RECQL5: variants seen among roughly 807,000 people sequenced by gnomAD.
The protein encoded by RECQL5 is RecQ like helicase 5.
Under a neutral mutation model 103.4 loss-of-function variants are expected in RECQL5, and 88 were observed. That is an observed-to-expected ratio of 0.85 (90% CI 0.72 to 1.02). The LOEUF is 1.02. Among genes scored for constraint, RECQL5 ranks in the 50% least tolerant of loss-of-function variants. The pLI, the probability that RECQL5 is intolerant of heterozygous loss-of-function variation, is 0.00. For missense variants in RECQL5, 1,232 were observed against 1,284.3 expected (o/e 0.96, Z 0.62); for synonymous variants, 552 against 507.9 (o/e 1.09, Z -1.17).
chr17:75,643,976 C>T (rs1038437691), intron 8 of RECQL5, among the ~76,000 whole-genome samples: 3 of 152,202 alleles, frequency 2.0e-5, no homozygotes, highest in Non-Finnish European at 4.4e-5. Context: ...TGAAGACCTG[C>T]GTGCCACACT....
chr17:75,666,273 TA>T (rs139442860), intron 2 of RECQL5, among the ~76,000 whole-genome samples, 154 bp downstream of exon 2: 1,734 of 152,044 alleles, frequency 0.011, 26 homozygotes, highest in African/African-American at 0.04. Flanking sequence ...TTAAAACAAA[TA>T]AACGAAACTA....
At chr17:75,663,922 C>T (rs911149705) in intron 3 of RECQL5, among the ~76,000 whole-genome samples, 12 of 151,808 alleles carry the variant, frequency 7.9e-5, no homozygotes, top group Non-Finnish European at 1.6e-4. Flanking sequence ...GGCATGGTGG[C>T]GCATGCCTGT....
intron 8 of RECQL5, chr17:75,633,386 C>A: frequency 1.6e-6 from 2 of 1,249,792 alleles, no homozygotes; most frequent in South Asian, 2.5e-5. Context: ...CAGGGCCCGG[C>A]CCCTGGACTC....
intron 8 of RECQL5, among the ~76,000 whole-genome samples, chr17:75,632,646 G>A (rs2059239984): frequency 6.6e-6 from 1 of 152,214 alleles, no homozygotes; most frequent in South Asian, 2.1e-4. Flanking sequence ...GCAGGGAGCA[G>A]CCTCTGGCTG....
intron 14 of RECQL5, 116 bp from the exon 15 acceptor site, chr17:75,629,958 G>A: frequency 7.2e-7 from 1 of 1,390,180 alleles, no homozygotes; most frequent in Non-Finnish European, 9.6e-7. Flanking sequence ...AGTGGCCACA[G>A]GCAACTGACC....
chr17:75,652,277 A>C (rs2059565288), intron 7 of RECQL5, among the ~76,000 whole-genome samples: 1 of 152,148 alleles, frequency 6.6e-6, no homozygotes, highest in Non-Finnish European at 1.5e-5. Context: ...CCGACTCAGA[A>C]ACCCATGTGG....
intron 8 of RECQL5, among the ~76,000 whole-genome samples, chr17:75,642,231 G>C (rs2059443309): frequency 1.3e-5 from 2 of 152,320 alleles, no homozygotes; most frequent in South Asian, 4.1e-4. Context: ...AATGCCAATG[G>C]GTCCAGACAG....
At chr17:75,635,333 C>T (rs993642610) in intron 8 of RECQL5, among the ~76,000 whole-genome samples, 4 of 152,166 alleles carry the variant, frequency 2.6e-5, no homozygotes, top group South Asian at 2.1e-4. Context: ...ACTCACAAGA[C>T]GCCCCAGGCA....
intron 8 of RECQL5, chr17:75,650,942 G>GT: frequency 2.1e-6 from 3 of 1,450,512 alleles, no homozygotes; most frequent in Non-Finnish European, 2.7e-6. Context: ...CCAGAAGAGG[G>GT]TGGAGTGGAG....
intron 8 of RECQL5, chr17:75,647,507 T>G: frequency 6.4e-7 from 1 of 1,550,408 alleles, no homozygotes; most frequent in Non-Finnish European, 8.7e-7. Flanking sequence ...TTTGCCATCG[T>G]GTTTGGTTTA....
intron 8 of RECQL5, 31 bp downstream of exon 8, chr17:75,651,155 C>G (rs760461948): frequency 4.3e-6 from 7 of 1,614,152 alleles, no homozygotes; most frequent in South Asian, 3.3e-5. Context: ...CTCACTGACA[C>G]TTTGCTCCAC....
intron 6 of RECQL5, among the ~76,000 whole-genome samples, chr17:75,659,022 T>C (rs1339966297): frequency 6.6e-6 from 1 of 152,128 alleles, no homozygotes; most frequent in Non-Finnish European, 1.5e-5. Flanking sequence ...CTTAACAAGA[T>C]ACCACAGACC....
chr17:75,666,906 C>G, intron 1 of RECQL5, 138 bp downstream of exon 1: 1 of 275,074 alleles, frequency 3.6e-6, no homozygotes, highest in Non-Finnish European at 7.0e-6. Context: ...ACCACCTGCT[C>G]CTACTTCTAT....
intron 6 of RECQL5, among the ~76,000 whole-genome samples, chr17:75,659,479 C>T (rs1031577197): frequency 1.3e-5 from 2 of 152,168 alleles, no homozygotes; most frequent in African/African-American, 4.8e-5. Flanking sequence ...ACCTCGGCTT[C>T]CCAAGTATCC....
intron 8 of RECQL5, chr17:75,638,124 G>C (rs2059362079): frequency 6.6e-6 from 1 of 152,090 alleles, no homozygotes; most frequent in Non-Finnish European, 1.5e-5. Flanking sequence ...CACGGCTTTT[G>C]ACAAGAACTC....
intron 7 of RECQL5, among the ~76,000 whole-genome samples, chr17:75,656,822 G>A (rs979303865): frequency 2.0e-5 from 3 of 146,490 alleles, no homozygotes; most frequent in African/African-American, 7.6e-5. Context: ...TCGGCTCACT[G>A]CAAGCTCTGC....
At position 75,630,844 on chromosome 17, in the gene RECQL5, G is replaced by GT. The variant is rs752469432; in HGVS notation, c.1586-8_1586-7insA. The GT allele has an allele frequency of 1.9e-5, 22 of 1,139,964 alleles. No homozygotes were observed. The highest frequency in any genetic ancestry group is 4.7e-5 in the African/African-American group (3 of 63,962). 70.6% of individuals were successfully genotyped at this position (1,139,964 alleles called of 1,614,324 possible). Reference sequence around the variant, plus strand: ...TTCAGGGGACAGTTCTCATCTGTGGGGGGGGGGGGTGGTCCTTGGTCCTTT... The same window carrying GT: ...TTCAGGGGACAGTTCTCATCTGTGGGTGGGGGGGGGTGGTCCTTGGTCCTTT... On this transcript the variant is annotated splice_region_variant and splice_polypyrimidine_tract_variant and intron_variant, in intron 11 of 19. Transcript: ENST00000317905.
intron 9 of RECQL5, 92 bp from the exon 10 acceptor site, chr17:75,631,341 C>T (rs985270147): frequency 6.5e-7 from 1 of 1,532,658 alleles, no homozygotes; most frequent in Non-Finnish European, 9.0e-7. Context: ...TGATGTCCTA[C>T]CAGCTCAAGG....
At chr17:75,666,348 G>C (rs11655319) in intron 2 of RECQL5, 80 bp downstream of exon 2, 1 of 1,501,160 alleles carries the variant, frequency 6.7e-7, no homozygotes, top group African/African-American at 1.4e-5. Context: ...GCAGTACGAA[G>C]GGTGAGGAGG....
Sources: gnomAD v4.1 joint callset for allele counts (sites outside exome capture counted in the v4.1 genomes callset) on GRCh38, gnomAD v4.1.1 for gene constraint, MANE v1.5 for transcripts, NCBI Gene and HGNC (gene_info 2026-07-23, HGNC 2026-07-21) for gene names.